Variants in ALKBH8 observed in about 807,000 individuals in gnomAD.
ALKBH8 encodes the protein alkB homolog 8, tRNA methyltransferase.
In ALKBH8, 36 loss-of-function variants were observed where a neutral mutation model predicts 59.8. The observed-to-expected ratio is 0.60, with a 90% confidence interval of 0.46 to 0.79. The LOEUF is 0.79. Among genes scored for constraint, ALKBH8 ranks in the 30% least tolerant of loss-of-function variants. The pLI, the probability that ALKBH8 is intolerant of heterozygous loss-of-function variation, is 0.00. For missense variants in ALKBH8, 768 were observed against 801.0 expected (o/e 0.96, Z 0.50); for synonymous variants, 276 against 273.6 (o/e 1.01, Z -0.09).
chr11:107,559,283 C>A (rs1418584915), intron 2 of ALKBH8, among the ~76,000 whole-genome samples: 1 of 152,092 alleles, frequency 6.6e-6, no homozygotes, highest in African/African-American at 2.4e-5. Context: ...CAGACTAATA[C>A]AATATCATTA....
chr11:107,559,182 C>T (rs1864836495), intron 2 of ALKBH8, among the ~76,000 whole-genome samples: 3 of 152,188 alleles, frequency 2.0e-5, no homozygotes, highest in Non-Finnish European at 4.4e-5. Flanking sequence ...TGTGAGGCCT[C>T]CCCGGCCACG....
chr11:107,518,816 C>CTATT (rs71952823), intron 10 of ALKBH8, among the ~76,000 whole-genome samples: 9 of 151,990 alleles, frequency 5.9e-5, no homozygotes, highest in African/African-American at 2.2e-4. Context: ...GGGTAAATCT[C>CTATT]TGGGGCTCTC....
intron 7 of ALKBH8, among the ~76,000 whole-genome samples, chr11:107,536,825 G>A (rs1459396501): frequency 1.3e-5 from 2 of 152,214 alleles, no homozygotes; most frequent in Non-Finnish European, 2.9e-5. Context: ...GAGGACGTCA[G>A]CCAAAGACCT....
At chr11:107,525,094 C>T (rs1863294456) in intron 9 of ALKBH8, among the ~76,000 whole-genome samples, 1 of 152,148 alleles carries the variant, frequency 6.6e-6, no homozygotes, top group African/African-American at 2.4e-5. Context: ...AGAAACTTGA[C>T]AAACCATTCC....
At chr11:107,522,705 A>C (rs1353173028) in intron 9 of ALKBH8, 150 bp from the exon 10 acceptor site, 1 of 991,212 alleles carries the variant, frequency 1.0e-6, no homozygotes, top group Non-Finnish European at 1.4e-6. Context: ...CTTCCCTAAT[A>C]AGTCTACTGA....
At chr11:107,562,633 T>C (rs1486673762) in intron 1 of ALKBH8, 2 of 152,174 alleles carry the variant, frequency 1.3e-5, no homozygotes, top group Non-Finnish European at 2.9e-5. Context: ...ATCTTTAGTA[T>C]AGAAGACAAA....
At chr11:107,547,152 T>C (rs1864295123) in intron 7 of ALKBH8, among the ~76,000 whole-genome samples, 1 of 152,092 alleles carries the variant, frequency 6.6e-6, no homozygotes, top group African/African-American at 2.4e-5. Context: ...TACAATGAAA[T>C]GGAAGCTGCC....
chr11:107,529,569 A>G (rs1352802091), intron 8 of ALKBH8, among the ~76,000 whole-genome samples: 1 of 151,270 alleles, frequency 6.6e-6, no homozygotes, highest in African/African-American at 2.4e-5. Flanking sequence ...CAGTGACGCG[A>G]TCTTGGCTCA....
chr11:107,521,299 G>T (rs1402212757), intron 10 of ALKBH8, among the ~76,000 whole-genome samples: 1 of 152,150 alleles, frequency 6.6e-6, no homozygotes, highest in African/African-American at 2.4e-5. Flanking sequence ...TCTCTTAGAA[G>T]AATGGTATAT....
At chr11:107,524,709 C>T (rs1339747934) in intron 9 of ALKBH8, among the ~76,000 whole-genome samples, 6 of 152,060 alleles carry the variant, frequency 3.9e-5, no homozygotes, top group Non-Finnish European at 8.8e-5. Context: ...AAAAGCATAA[C>T]ATTTTGTAGA....
intron 10 of ALKBH8, among the ~76,000 whole-genome samples, chr11:107,512,720 C>A (rs1204459021): frequency 6.6e-6 from 1 of 152,116 alleles, no homozygotes; most frequent in Non-Finnish European, 1.5e-5. Flanking sequence ...ACAGAAGTGG[C>A]CACCTAAAGT....
chr11:107,536,130 A>G (rs779488603), intron 7 of ALKBH8, among the ~76,000 whole-genome samples: 5 of 152,228 alleles, frequency 3.3e-5, no homozygotes, highest in African/African-American at 9.7e-5. Context: ...GCCAAGCTGT[A>G]ACTAATCCAG....
At chr11:107,547,552 A>G (rs1864315197) in intron 7 of ALKBH8, among the ~76,000 whole-genome samples, 1 of 152,212 alleles carries the variant, frequency 6.6e-6, no homozygotes. Flanking sequence ...TTCAGCCAGG[A>G]AAGAAATATT....
chr11:107,555,902 T>C (rs73555511), intron 3 of ALKBH8, among the ~76,000 whole-genome samples: 2,031 of 152,308 alleles, frequency 0.013, 38 homozygotes, highest in African/African-American at 0.046. Context: ...TCAATCAGAC[T>C]ATCCAGTGGC....
chr11:107,564,558 C>G (rs1040670122), intron 1 of ALKBH8, among the ~76,000 whole-genome samples: 2 of 152,068 alleles, frequency 1.3e-5, no homozygotes, highest in African/African-American at 4.8e-5. Context: ...GAAAATGGAT[C>G]GATGAGTAAA....
In ALKBH8 at chr11:107,553,947, T is replaced by C. The variant is rs759684972; in HGVS notation, c.399A>G (p.Leu133=). ...CTTCTACTACCATGAGTCCTGGTGGTAAGGCTTGAGGCCTCAACTCCTTCC... is the reference window on the plus strand; with the variant it reads ...CTTCTACTACCATGAGTCCTGGTGGCAAGGCTTGAGGCCTCAACTCCTTCC... ...VQWKELRPQA[L]PPGLMVVEEI... Residue 133 remains leucine, a synonymous_variant, in exon 4 of 12, where the codon TTA becomes TTG. Coordinates refer to ENST00000428149, the MANE Select transcript of ALKBH8 (RefSeq NM_138775.3). 1.1e-5 allele frequency: 17 copies of C among 1,613,776 alleles called. No homozygotes were observed. Among genetic ancestry groups the C allele is most frequent in the Non-Finnish European group, 1.4e-5 (17 of 1,179,884 alleles).
intron 7 of ALKBH8, among the ~76,000 whole-genome samples, chr11:107,544,266 C>A (rs981476296): frequency 5.9e-5 from 9 of 152,322 alleles, no homozygotes; most frequent in African/African-American, 2.2e-4. Context: ...TTTATGATGT[C>A]ATGCCATGAA....
At chr11:107,557,163 T>C (rs1864754257) in intron 2 of ALKBH8, among the ~76,000 whole-genome samples, 160 bp from the exon 3 acceptor site, 1 of 152,226 alleles carries the variant, frequency 6.6e-6, no homozygotes, top group Admixed American at 6.5e-5. Flanking sequence ...ACAAAGTATG[T>C]AAACCAATTT....
At position 107,525,527 on chromosome 11, in the gene ALKBH8, C is replaced by CTGG. The variant is rs1863315034; in HGVS notation, c.941_943dup (p.Thr314dup). The CTGG allele has an allele frequency of 1.3e-6, 2 of 1,535,494 alleles. No individual in the cohort carries two copies. Among genetic ancestry groups the CTGG allele is most frequent in the Non-Finnish European group, 1.8e-6 (2 of 1,140,594 alleles). ...GCTTAAAGTTAAGTCTCCAACATCA[C>CTGG]TGGTGATAATTCCACTTTTAAGACT... On this transcript the variant is annotated inframe_insertion, in exon 9 of 12. Transcript: ENST00000428149.
Sources: allele counts gnomAD v4.1 joint callset (sites outside exome capture counted in the v4.1 genomes callset), GRCh38; gene constraint gnomAD v4.1.1; transcripts MANE v1.5; gene names NCBI Gene and HGNC (gene_info 2026-07-23, HGNC 2026-07-21).